MGAT5B: variants seen among roughly 807,000 people sequenced by gnomAD.
The protein encoded by MGAT5B is alpha-1,6-mannosylglycoprotein 6-beta-N-acetylglucosaminyltransferase B, also known as N-acetylglucosaminyl-transferase Vb.
Under a neutral mutation model 95.1 loss-of-function variants are expected in MGAT5B, and 54 were observed. That is an observed-to-expected ratio of 0.57 (90% CI 0.46 to 0.71). The LOEUF (loss-of-function observed/expected upper bound fraction) is 0.71, where lower values mean the gene tolerates loss of function less well. Ranked by LOEUF, MGAT5B falls within the 30% of genes least tolerant of loss-of-function variation. The pLI is 0.00. For synonymous variants in MGAT5B, 464 were observed against 451.0 expected, an observed-to-expected ratio of 1.03 and a Z score of -0.36; for missense variants, 935 against 1,088.6, an observed-to-expected ratio of 0.86 and a Z score of 1.99.
chr17:76,872,830 C>T, intron 1 of MGAT5B, 21 bp from the exon 2 acceptor site: 1 of 1,614,190 alleles, frequency 6.2e-7, no homozygotes, highest in Non-Finnish European at 8.5e-7. Context: ...CCCTCCTGAC[C>T]CGCCTCCTTC....
At chr17:76,926,507 C>G (rs1969316317) in intron 9 of MGAT5B, 90 bp from the exon 10 acceptor site, 1 of 1,309,650 alleles carries the variant, frequency 7.6e-7, no homozygotes, top group Admixed American at 2.1e-5. Flanking sequence ...CCACCACTGG[C>G]TGGTGACAGT....
intron 3 of MGAT5B, among the ~76,000 whole-genome samples, chr17:76,885,368 G>T (rs748353124): frequency 6.6e-6 from 1 of 152,138 alleles, no homozygotes; most frequent in Admixed American, 6.5e-5. Flanking sequence ...GCCTCTGTCC[G>T]CAGGCCTGTT....
chr17:76,908,475 T>C (rs546491733), intron 8 of MGAT5B, among the ~76,000 whole-genome samples: 5 of 152,182 alleles, frequency 3.3e-5, no homozygotes, highest in Admixed American at 6.5e-5. Flanking sequence ...CTATGTTGCC[T>C]AGGCTGGTCT....
chr17:76,876,625 G>A (rs570596755), intron 2 of MGAT5B, among the ~76,000 whole-genome samples: 24 of 152,318 alleles, frequency 1.6e-4, no homozygotes, highest in Admixed American at 4.6e-4. Context: ...AGAGGAGGGC[G>A]TCATTCAGCC....
At chr17:76,885,672 G>A (rs1179263504) in intron 3 of MGAT5B, among the ~76,000 whole-genome samples, 2 of 152,310 alleles carry the variant, frequency 1.3e-5, no homozygotes, top group Admixed American at 6.5e-5. Context: ...GACCGGCAGA[G>A]CCCATCACAC....
At chr17:76,897,659 C>CTCTTTCTTTCTT (rs1567800041) in intron 3 of MGAT5B, among the ~76,000 whole-genome samples, 11 of 108,900 alleles carry the variant, frequency 1.0e-4, no homozygotes, top group African/African-American at 2.5e-4. Flanking sequence ...CAAGTAAGGC[C>CTCTTTCTTTCTT]ACTTTCTTTC....
chr17:76,948,558 G>C, intron 17 of MGAT5B, 82 bp from the exon 18 acceptor site: 1 of 1,391,116 alleles, frequency 7.2e-7, no homozygotes, highest in Non-Finnish European at 9.9e-7. Context: ...GCAGGACTAG[G>C]CTGGGGGCAG....
Position 76,870,285 on chromosome 17 carries a change from G to A in MGAT5B, c.68+1188G>A, listed in dbSNP as rs1448581779. Among the ~76,000 whole-genome samples the A allele has an allele frequency of 6.6e-6, 1 of 152,178 alleles. No homozygotes were observed. The highest frequency in any genetic ancestry group is 1.5e-5 in the Non-Finnish European group (1 of 68,002). ...GGAGGCAACCCCAGGGGACGGCAGG[G>A]GTCAGGCTGGACCTCTGCGGTCCGG... is the stretch of plus-strand genomic sequence containing the variant. On this transcript the variant is annotated intron_variant, in intron 1 of 17. Coordinates refer to ENST00000569840, the MANE Select transcript of MGAT5B (RefSeq NM_001199172.2). The surrounding 1 kb of genome is among the most constrained non-coding windows in gnomAD (Gnocchi z 5.0).
intron 13 of MGAT5B, among the ~76,000 whole-genome samples, chr17:76,939,358 C>A (rs559869315): frequency 6.6e-6 from 1 of 151,736 alleles, no homozygotes; most frequent in Non-Finnish European, 1.5e-5. Flanking sequence ...AACAAACAAA[C>A]AAAAAATCAG....
chr17:76,932,543 C>T, intron 10 of MGAT5B, 102 bp from the exon 11 acceptor site: 1 of 1,531,552 alleles, frequency 6.5e-7, no homozygotes, highest in Non-Finnish European at 8.8e-7. Context: ...CCCTTTCCCA[C>T]CCCTGCCAAA....
intron 2 of MGAT5B, among the ~76,000 whole-genome samples, chr17:76,873,222 G>A (rs1967070000): frequency 6.6e-6 from 1 of 152,260 alleles, no homozygotes; most frequent in Non-Finnish European, 1.5e-5. Flanking sequence ...CCTCAGAAGA[G>A]GCTGCCAGTG....
chr17:76,931,520 G>A (rs186377343), intron 10 of MGAT5B, among the ~76,000 whole-genome samples: 3 of 152,368 alleles, frequency 2.0e-5, no homozygotes, highest in African/African-American at 7.2e-5. Flanking sequence ...ACCTCTCACA[G>A]GCCCATGAGC....
chr17:76,925,167 G>T (rs1032154994), intron 9 of MGAT5B, 70 bp downstream of exon 9: 2 of 1,590,404 alleles, frequency 1.3e-6, no homozygotes, highest in Non-Finnish European at 1.7e-6. Context: ...TTCACGCCCT[G>T]CCCCCACGTC....
chr17:76,924,017 G>A (rs1191191136), intron 8 of MGAT5B: 1 of 152,340 alleles, frequency 6.6e-6, no homozygotes, highest in Admixed American at 6.5e-5. Context: ...ATCCCCTGCA[G>A]GGGAGAAACC....
intron 3 of MGAT5B, among the ~76,000 whole-genome samples, chr17:76,892,642 C>T (rs1371960707): frequency 6.6e-6 from 1 of 152,252 alleles, no homozygotes; most frequent in African/African-American, 2.4e-5. Context: ...GAAAATCAGC[C>T]AAGGGGAGCG....
intron 8 of MGAT5B, among the ~76,000 whole-genome samples, chr17:76,920,605 G>A (rs1290814833): frequency 6.6e-6 from 1 of 152,138 alleles, no homozygotes; most frequent in Non-Finnish European, 1.5e-5. Flanking sequence ...ACACCTCCAG[G>A]GACGTCCTGC....
intron 3 of MGAT5B, among the ~76,000 whole-genome samples, chr17:76,900,502 C>T (rs1968266865): frequency 6.6e-6 from 1 of 152,210 alleles, no homozygotes; most frequent in African/African-American, 2.4e-5. Context: ...GACACAGACA[C>T]ACACAGGGGA....
intron 15 of MGAT5B, chr17:76,944,325 G>A (rs553777644): frequency 6.6e-6 from 1 of 152,278 alleles, no homozygotes; most frequent in Non-Finnish European, 1.5e-5. Flanking sequence ...ACAGACACAG[G>A]AGCAAGAGTA....
At chr17:76,878,403 G>A (rs1482691480) in intron 2 of MGAT5B, among the ~76,000 whole-genome samples, 1 of 152,150 alleles carries the variant, frequency 6.6e-6, no homozygotes, top group Non-Finnish European at 1.5e-5. Context: ...TACAGAAGGG[G>A]CATCTGGTTC....
Sources: gnomAD v4.1 joint callset for allele counts (sites outside exome capture counted in the v4.1 genomes callset) on GRCh38, gnomAD v4.1.1 for gene constraint, Gnocchi (gnomAD v3.1) non-coding constraint, MANE v1.5 for transcripts, NCBI Gene and HGNC (gene_info 2026-07-23, HGNC 2026-07-21) for gene names.